BMF: variants seen among roughly 807,000 people sequenced by gnomAD.
BMF encodes the protein Bcl2 modifying factor.
A neutral mutation model predicts 22.0 loss-of-function variants in BMF; 10 were observed. That is an observed-to-expected ratio of 0.45 (90% CI 0.28 to 0.77). BMF has a LOEUF of 0.77. Ranked by LOEUF, BMF falls within the 30% of genes least tolerant of loss-of-function variation. BMF has a pLI of 0.13. For missense variants in BMF, 206 were observed against 226.8 expected (o/e 0.91, Z 0.59); for synonymous variants, 87 against 88.1 (o/e 0.99, Z 0.07).
rs1488564127 is a variant in BMF at position 40,105,830 on chromosome 15, C to A, written c.257G>T (p.Cys86Phe). The change falls in exon 3 of 5, where the codon TGT (cysteine) becomes TTT (phenylalanine). Residue 86 changes from cysteine to phenylalanine, a missense_variant. Coordinates refer to ENST00000354670, the MANE Select transcript of BMF (RefSeq NM_001003940.2). Reference protein sequence around the residue: ...ASPSQGVMLPCGVTEEPQRLF... With the variant: ...ASPSQGVMLPFGVTEEPQRLF... ...TCGCTGGGGTTCCTCAGTCACCCCACAAGGCAGCATGACACCTTGGCTGGG... is the reference window on the plus strand; with the variant it reads ...TCGCTGGGGTTCCTCAGTCACCCCAAAAGGCAGCATGACACCTTGGCTGGG... 3.7e-6 allele frequency: 6 copies of A among 1,613,332 alleles called. No homozygotes were observed. The highest frequency in any genetic ancestry group is 5.1e-6 in the Non-Finnish European group (6 of 1,179,710).
Position 40,089,131 on chromosome 15 carries a change from CCTCT to C in BMF, c.*2652_*2655del, listed in dbSNP as rs1394708207. 6.6e-6 allele frequency: 1 copy of C among 152,556 alleles called. No homozygotes were observed. The highest frequency in any genetic ancestry group is 2.4e-5 in the African/African-American group (1 of 41,368). The allele number at this position is 152,556 out of a possible 1,614,324, so 9.5% of individuals were successfully genotyped here. On this transcript the variant is annotated 3_prime_UTR_variant, in exon 5 of 5. Transcript: ENST00000354670. Reference sequence around the variant, plus strand: ...CAGGATCCAGGTCAGACTCTCCCTCCCTCTAAATCTGATTCTCCACCCCTCGCTA... The same window carrying C: ...CAGGATCCAGGTCAGACTCTCCCTCCAAATCTGATTCTCCACCCCTCGCTA...
chr15:40,093,479 CCCGGCTT>C (rs1413103491), intron 4 of BMF, among the ~76,000 whole-genome samples: 3 of 152,178 alleles, frequency 2.0e-5, no homozygotes, highest in African/African-American at 4.8e-5. Context: ...AGGAAACACA[CCCGGCTT>C]AACAAAATCT....
At chr15:40,105,368 T>C (rs2036564827) in intron 3 of BMF, among the ~76,000 whole-genome samples, 1 of 152,192 alleles carries the variant, frequency 6.6e-6, no homozygotes, top group Admixed American at 6.5e-5. Flanking sequence ...GAAAGTCCCA[T>C]GTGGCAACTG....
chr15:40,092,129 A>G (rs1165360898), intron 4 of BMF, among the ~76,000 whole-genome samples: 1 of 152,210 alleles, frequency 6.6e-6, no homozygotes, highest in African/African-American at 2.4e-5. Flanking sequence ...TAGGCTCTAT[A>G]TGCACTATGC....
Position 40,104,359 on chromosome 15 carries a change from C to A in BMF, c.293-19G>T, listed in dbSNP as rs1170181157. ...GCATTGCCTGCAAAGATAGAGGATC[C>A]ACATCTCAGCATTCTCCACAACTGC... On this transcript the variant is annotated intron_variant, in intron 3 of 4. Transcript: ENST00000354670. 6.2e-7 allele frequency: 1 copy of A among 1,613,016 alleles called. No homozygotes were observed. Among genetic ancestry groups the A allele is most frequent in the South Asian group, 1.1e-5 (1 of 90,922 alleles).
chr15:40,103,617 C>T (rs2036524576), intron 4 of BMF, among the ~76,000 whole-genome samples: 1 of 152,222 alleles, frequency 6.6e-6, no homozygotes, highest in Non-Finnish European at 1.5e-5. Flanking sequence ...TCTGGGGAGC[C>T]TCTCCGAGGT....
intron 4 of BMF, among the ~76,000 whole-genome samples, chr15:40,100,545 T>C (rs1393550347): frequency 2.0e-5 from 3 of 152,204 alleles, no homozygotes; most frequent in Non-Finnish European, 2.9e-5. Context: ...TCCAACTCTC[T>C]TGCTGCTTTG....
chr15:40,105,106 T>C (rs563345250), intron 3 of BMF, among the ~76,000 whole-genome samples: 2 of 152,320 alleles, frequency 1.3e-5, no homozygotes, highest in Admixed American at 1.3e-4. Flanking sequence ...CTGCAGTGTC[T>C]CCTCAATCAG....
At chr15:40,102,590 T>C (rs1468723682) in intron 4 of BMF, among the ~76,000 whole-genome samples, 1 of 151,976 alleles carries the variant, frequency 6.6e-6, no homozygotes. Flanking sequence ...TGGGGGAATA[T>C]TCTGGGGAAT....
At chr15:40,096,154 T>C (rs911706679) in intron 4 of BMF, among the ~76,000 whole-genome samples, 4 of 118,812 alleles carry the variant, frequency 3.4e-5, no homozygotes, top group African/African-American at 1.8e-4. Flanking sequence ...AAAGGCCTCC[T>C]TTTTTTTTTT....
chr15:40,095,982 A>G (rs867441182), intron 4 of BMF, among the ~76,000 whole-genome samples: 2 of 152,186 alleles, frequency 1.3e-5, no homozygotes, highest in Admixed American at 6.5e-5. Context: ...GAAGGCATAC[A>G]GTAGGCACTC....
chr15:40,093,783 G>A (rs1233785641), intron 4 of BMF, among the ~76,000 whole-genome samples: 1 of 152,176 alleles, frequency 6.6e-6, no homozygotes, highest in Non-Finnish European at 1.5e-5. Context: ...GTCGGGGGTG[G>A]GGAGGTGCCA....
In BMF at chr15:40,104,112, A is replaced by AGAGAGGCAG. The variant is rs1471393948; in HGVS notation, c.453+59_453+67dup. 6 of 1,584,232 alleles carry AGAGAGGCAG rather than the reference A, an allele frequency of 3.8e-6. No individual in the cohort carries two copies. The East Asian group carries it at 1.3e-4, about 36-fold the overall frequency. The stretch of plus-strand genomic sequence containing the variant: ...CAGAGACAGAGTTGCTGACAAGAGG[A>AGAGAGGCAG]GAGAGGCAGGCCCTGGCCCCCAAGC... On this transcript the variant is annotated intron_variant, in intron 4 of 4. Transcript: ENST00000354670.
intron 2 of BMF, among the ~76,000 whole-genome samples, chr15:40,107,609 T>C (rs1428396412): frequency 1.3e-5 from 2 of 150,646 alleles, no homozygotes; most frequent in Non-Finnish European, 3.0e-5. Flanking sequence ...CACTCCAGCT[T>C]ATTAACAACA....
Position 40,106,315 on chromosome 15 carries a change from G to A in BMF, c.-5-224C>T, listed in dbSNP as rs1023004113. The A allele has an allele frequency of 1.5e-5, 7 of 461,356 alleles. No individual in the cohort carries two copies. The highest frequency in any genetic ancestry group is 1.2e-4 in the African/African-American group (6 of 49,962). The allele number at this position is 461,356 out of a possible 1,614,324, so 28.6% of individuals were successfully genotyped here. On this transcript the variant is annotated intron_variant, in intron 2 of 4. Coordinates refer to ENST00000354670, the MANE Select transcript of BMF (RefSeq NM_001003940.2). This position sits in a 1 kb window ranked among gnomAD's most constrained non-coding sequence, Gnocchi z 4.1. ...AGGGGCTCTCCACACCTCTTCCCTG[G>A]GCCCGCCTGGAACCACCCTTTTTCT...
At chr15:40,103,245 G>A (rs1315232169) in intron 4 of BMF, among the ~76,000 whole-genome samples, 2 of 152,242 alleles carry the variant, frequency 1.3e-5, no homozygotes, top group Admixed American at 6.5e-5. Context: ...GCTGGGCTGG[G>A]GACACAGTCC....
At chr15:40,105,751 C>T in intron 3 of BMF, 44 bp downstream of exon 3, 5 of 1,532,110 alleles carry the variant, frequency 3.3e-6, no homozygotes, top group Non-Finnish European at 4.4e-6. Context: ...CCCCTCTTTT[C>T]CCCCAGTCTC....
Position 40,106,766 on chromosome 15 carries a change from G to T in BMF, c.-5-675C>A, listed in dbSNP as rs1400453640. 1 of 152,244 alleles carries T rather than the reference G, an allele frequency of 6.6e-6. No homozygotes were observed. Among genetic ancestry groups the T allele is most frequent in the East Asian group, 1.9e-4 (1 of 5,200 alleles). The allele number at this position is 152,244 out of a possible 1,614,324, so 9.4% of individuals were successfully genotyped here. On this transcript the variant is annotated intron_variant, in intron 2 of 4. Transcript: ENST00000354670. The surrounding 1 kb of genome is among the most constrained non-coding windows in gnomAD (Gnocchi z 4.1). Reference sequence around the variant, plus strand: ...TGGTAAGAATGTGTCCTGGGAGAGGGGATAAAGACCCAAGCTAGTCATTGC... The same window carrying T: ...TGGTAAGAATGTGTCCTGGGAGAGGTGATAAAGACCCAAGCTAGTCATTGC...
Position 40,106,182 on chromosome 15 carries a change from C to T in BMF, c.-5-91G>A. On this transcript the variant is annotated intron_variant, in intron 2 of 4. Coordinates refer to ENST00000354670, the MANE Select transcript of BMF (RefSeq NM_001003940.2). This position sits in a 1 kb window ranked among gnomAD's most constrained non-coding sequence, Gnocchi z 4.1. ...CTTCCCTTCTTCCTACCATACTCCC[C>T]CTTCTTATTTGAGCTGGCCGGACCA... 3 of 1,416,548 alleles carry T rather than the reference C, an allele frequency of 2.1e-6. No individual in the cohort carries two copies. Among genetic ancestry groups the T allele is most frequent in the Non-Finnish European group, 2.8e-6 (3 of 1,067,072 alleles). 87.7% of individuals were successfully genotyped at this position (1,416,548 alleles called of 1,614,324 possible).
Sources: gnomAD v4.1 joint callset for allele counts (sites outside exome capture counted in the v4.1 genomes callset) on GRCh38, gnomAD v4.1.1 for gene constraint, Gnocchi (gnomAD v3.1) non-coding constraint, MANE v1.5 for transcripts, NCBI Gene and HGNC (gene_info 2026-07-23, HGNC 2026-07-21) for gene names.